Variants in TBC1D19 observed in about 807,000 individuals in gnomAD.
TBC1D19 encodes the protein TBC1 domain family, member 19.
Under a neutral mutation model 89.0 loss-of-function variants are expected in TBC1D19, and 60 were observed. The ratio of observed to expected loss-of-function variants is 0.67; its 90% CI spans 0.55 to 0.84. TBC1D19 has a LOEUF of 0.84. Among genes scored for constraint, TBC1D19 ranks in the 40% least tolerant of loss-of-function variants. The pLI, the probability that TBC1D19 is intolerant of heterozygous loss-of-function variation, is 0.00. For missense variants in TBC1D19, 500 were observed against 610.8 expected, an observed-to-expected ratio of 0.82 and a Z score of 1.91; for synonymous variants, 189 against 199.7, an observed-to-expected ratio of 0.95 and a Z score of 0.45.
the TBC1D19 span, among the ~76,000 whole-genome samples, chr4:26,832,316 T>C: frequency 6.6e-6 from 1 of 152,200 alleles, no homozygotes; most frequent in Non-Finnish European, 1.5e-5. Context: ...ATTCTGTTTT[T>C]TCTGGAAACC....
intron 8 of TBC1D19, among the ~76,000 whole-genome samples, chr4:26,664,126 T>C (rs1182884662): frequency 6.6e-6 from 1 of 152,118 alleles, no homozygotes; most frequent in Non-Finnish European, 1.5e-5. Flanking sequence ...TGCAGGCTAG[T>C]GGAGAGGTGG....
the TBC1D19 span, among the ~76,000 whole-genome samples, chr4:26,777,164 C>T: frequency 1.4e-3 from 196 of 136,354 alleles, 3 homozygotes; most frequent in African/African-American, 5.2e-3. Flanking sequence ...TACGGAGTTT[C>T]ACTCTTGTTG....
chr4:26,592,770 C>A (rs1363722355), intron 1 of TBC1D19, among the ~76,000 whole-genome samples: 14 of 151,602 alleles, frequency 9.2e-5, no homozygotes, highest in African/African-American at 3.1e-4. Flanking sequence ...ACCTAGGAAT[C>A]CAACTTACAA....
At chr4:26,807,560 A>G in the TBC1D19 span, among the ~76,000 whole-genome samples, 2 of 152,192 alleles carry the variant, frequency 1.3e-5, no homozygotes, top group Admixed American at 1.3e-4. Flanking sequence ...CAGAGGAACC[A>G]CAGACCAAAA....
intron 15 of TBC1D19, among the ~76,000 whole-genome samples, chr4:26,723,896 T>C (rs1341312076): frequency 6.6e-6 from 1 of 152,126 alleles, no homozygotes; most frequent in Non-Finnish European, 1.5e-5. Context: ...AAAGGATGAA[T>C]GAATGAAAGT....
At chr4:26,719,389 C>T (rs1716839968) in intron 14 of TBC1D19, among the ~76,000 whole-genome samples, 1 of 151,946 alleles carries the variant, frequency 6.6e-6, no homozygotes, top group Non-Finnish European at 1.5e-5. Flanking sequence ...TTACTCTTAG[C>T]CCAGTATAAA....
chr4:26,779,448 A>G, the TBC1D19 span, among the ~76,000 whole-genome samples: 1 of 152,358 alleles, frequency 6.6e-6, no homozygotes, highest in African/African-American at 2.4e-5. Flanking sequence ...GCCCCAAGGC[A>G]AGAGTTCTTG....
the TBC1D19 span, among the ~76,000 whole-genome samples, chr4:26,822,021 T>C: frequency 6.6e-6 from 1 of 152,234 alleles, no homozygotes; most frequent in South Asian, 2.1e-4. Context: ...AACAGATCAC[T>C]TAGTCACATC....
At chr4:26,711,292 C>T (rs1249622015) in intron 13 of TBC1D19, among the ~76,000 whole-genome samples, 2 of 152,022 alleles carry the variant, frequency 1.3e-5, no homozygotes, top group African/African-American at 4.8e-5. Context: ...ATCCTTTCCC[C>T]ATTGCTTGTT....
At chr4:26,757,337 G>A (rs185317517), downstream of TBC1D19, among the ~76,000 whole-genome samples, 3 of 151,984 alleles carry the variant, frequency 2.0e-5, no homozygotes, top group South Asian at 2.1e-4. Flanking sequence ...CTTTAACCAC[G>A]CCTCCTTAGG....
intron 1 of TBC1D19, among the ~76,000 whole-genome samples, chr4:26,611,994 A>C (rs1249996198): frequency 2.0e-5 from 3 of 152,026 alleles, no homozygotes; most frequent in Non-Finnish European, 4.4e-5. Context: ...TCTGCTCTAA[A>C]GTTGGCTCAT....
At chr4:26,709,794 G>T (rs1319387430) in intron 13 of TBC1D19, among the ~76,000 whole-genome samples, 1 of 151,904 alleles carries the variant, frequency 6.6e-6, no homozygotes, top group Non-Finnish European at 1.5e-5. Context: ...TTGTCTAGGT[G>T]GGGAAACAGA....
rs869124166 is a variant in TBC1D19, at chr4:26,590,796, G to GTTTT, written c.99+6532_99+6535dup. ...GGTTCACTCTTTGTCTTGCAGGTCT[G>GTTTT]TTTTTTTTTTTTTTTTTTTTTTTTT... On this transcript the variant is annotated intron_variant, in intron 1 of 20. Transcript: ENST00000264866. Among the ~76,000 whole-genome samples, 342 of 52,918 alleles carry GTTTT rather than the reference G, an allele frequency of 6.5e-3. 40 individuals are homozygous for GTTTT. Among genetic ancestry groups the GTTTT allele is most frequent in the African/African-American group, 0.022 (259 of 12,008 alleles). The allele number at this position is 52,918 out of a possible 152,430, so 34.7% of individuals were successfully genotyped here. A position where few individuals can be genotyped will look rare whatever the true frequency, so the allele number is the denominator to read the frequency against.
chr4:26,623,653 C>A, intron 4 of TBC1D19, among the ~76,000 whole-genome samples: 1 of 152,022 alleles, frequency 6.6e-6, no homozygotes, highest in Non-Finnish European at 1.5e-5. Flanking sequence ...TTTAAAATGA[C>A]CATCTCTTCC....
At chr4:26,722,731 GCAAA>G (rs1454856458) in intron 15 of TBC1D19, among the ~76,000 whole-genome samples, 1 of 152,128 alleles carries the variant, frequency 6.6e-6, no homozygotes, top group Non-Finnish European at 1.5e-5. Flanking sequence ...AGCAGCAGCA[GCAAA>G]CATTTTCCAA....
At chr4:26,687,433 C>T (rs1270530407) in intron 12 of TBC1D19, among the ~76,000 whole-genome samples, 1 of 152,110 alleles carries the variant, frequency 6.6e-6, no homozygotes, top group African/African-American at 2.4e-5. Context: ...GTTCTTTACA[C>T]TGAAGCACAC....
At chr4:26,691,936 G>A (rs1280134034) in intron 13 of TBC1D19, among the ~76,000 whole-genome samples, 2 of 152,168 alleles carry the variant, frequency 1.3e-5, no homozygotes, top group Non-Finnish European at 2.9e-5. Flanking sequence ...GCAGGAAACT[G>A]TAACTAGTGA....
At chr4:26,618,549 A>C (rs537632010) in intron 3 of TBC1D19, among the ~76,000 whole-genome samples, 2 of 152,226 alleles carry the variant, frequency 1.3e-5, no homozygotes, top group Non-Finnish European at 2.9e-5. Flanking sequence ...GTGCCTCTTA[A>C]GACTTTGTAG....
intron 12 of TBC1D19, among the ~76,000 whole-genome samples, chr4:26,685,587 A>G (rs923373907): frequency 6.6e-5 from 10 of 152,242 alleles, no homozygotes; most frequent in African/African-American, 1.9e-4. Context: ...TAGTGAAGCC[A>G]AGATTTAGAC....
Sources: allele counts gnomAD v4.1 joint callset (sites outside exome capture counted in the v4.1 genomes callset), GRCh38; gene constraint gnomAD v4.1.1; transcripts MANE v1.5; gene names NCBI Gene and HGNC (gene_info 2026-07-23, HGNC 2026-07-21).